ANKRD17: variants seen among roughly 807,000 people sequenced by gnomAD.
ANKRD17 encodes ankyrin repeat domain 17.
ANKRD17 carries 19 observed loss-of-function variants against 229.7 expected under a neutral mutation model. The ratio of observed to expected loss-of-function variants is 0.08; its 90% CI spans 0.06 to 0.12. The LOEUF is 0.12. Among genes scored for constraint, ANKRD17 ranks in the 10% least tolerant of loss-of-function variants. ANKRD17 has a pLI of 1.00. For synonymous variants in ANKRD17, 1,112 were observed against 1,146.1 expected (o/e 0.97, Z 0.60); for missense variants, 2,176 against 3,176.8 (o/e 0.68, Z 7.57).
chr4:73,086,915 AAAAAATATATATATATATATATAT>A (rs1722203802), intron 29 of ANKRD17, among the ~76,000 whole-genome samples: 4 of 22,932 alleles, frequency 1.7e-4, no homozygotes, highest in Admixed American at 4.5e-4. Flanking sequence ...AAAAAAAAAA[AAAAAATATATATATATATATATAT>A]ATATATATAT....
In ANKRD17 at chr4:73,157,930, AT is replaced by A. The variant is rs1233815374; in HGVS notation, c.705-1765del. ...CGGTGAAACCCTGTCTCTACTAAAAATACAAAAAAAAATTAGCCGGGCATGG... is the reference window on the plus strand; with the variant it reads ...CGGTGAAACCCTGTCTCTACTAAAAAACAAAAAAAAATTAGCCGGGCATGG... On this transcript the variant is annotated intron_variant, in intron 3 of 33. Coordinates refer to ENST00000358602, the MANE Select transcript of ANKRD17 (RefSeq NM_032217.5). Among the ~76,000 whole-genome samples the A allele has an allele frequency of 4.1e-3, 616 of 152,040 alleles. 4 individuals carry two copies. Among genetic ancestry groups the A allele is most frequent in the African/African-American group, 0.014 (594 of 41,394 alleles).
Position 73,121,528 on chromosome 4 carries a change from C to G in ANKRD17, c.3635+89G>C, listed in dbSNP as rs936438449. On this transcript the variant is annotated intron_variant, in intron 19 of 33. Transcript: ENST00000358602. ...GCCAAATTTGTAATAAAGGGATTTA[C>G]TAAATTTGGCACTAAAAAATAGGTG... The G allele has an allele frequency of 4.1e-6, 6 of 1,472,554 alleles. No homozygotes were observed. In the African/African-American group the frequency reaches 4.2e-5, roughly 10 times the overall value. The allele number at this position is 1,472,554 out of a possible 1,614,324, so 91.2% of individuals were successfully genotyped here. A position where few individuals can be genotyped will look rare whatever the true frequency, so the allele number is the denominator to read the frequency against.
intron 24 of ANKRD17, 117 bp from the exon 25 acceptor site, chr4:73,102,664 GTTCAA>G: frequency 6.0e-6 from 7 of 1,160,568 alleles, no homozygotes; most frequent in Non-Finnish European, 8.5e-6. Flanking sequence ...AAGTCATCTA[GTTCAA>G]TTCATTGTTT....
At chr4:73,146,938 T>C in intron 9 of ANKRD17, 65 bp from the exon 10 acceptor site, 2 of 1,322,700 alleles carry the variant, frequency 1.5e-6, no homozygotes, top group Non-Finnish European at 2.1e-6. Flanking sequence ...ATGACGAAAA[T>C]AAAAACTTCT....
chr4:73,222,760 A>ATATATCTACAAT (rs1319558085), intron 1 of ANKRD17, among the ~76,000 whole-genome samples: 4 of 152,212 alleles, frequency 2.6e-5, no homozygotes, highest in Admixed American at 6.5e-5. Flanking sequence ...TTTATGAAAC[A>ATATATCTACAAT]TGAAGTTTAA....
intron 2 of ANKRD17, among the ~76,000 whole-genome samples, chr4:73,166,964 A>G (rs780410225): frequency 2.0e-5 from 3 of 152,206 alleles, no homozygotes; most frequent in Non-Finnish European, 2.9e-5. Context: ...GATACTGGCA[A>G]TATTAAGGAA....
intron 1 of ANKRD17, among the ~76,000 whole-genome samples, chr4:73,204,813 C>T (rs1351940368): frequency 6.6e-6 from 1 of 151,956 alleles, no homozygotes; most frequent in Non-Finnish European, 1.5e-5. Flanking sequence ...CAATTATTAG[C>T]TAACACATAT....
chr4:73,180,843 T>C lies in ANKRD17; in HGVS notation c.394-3310A>G, dbSNP rs369127281. On this transcript the variant is annotated intron_variant, in intron 1 of 33. Coordinates refer to ENST00000358602, the MANE Select transcript of ANKRD17 (RefSeq NM_032217.5). ...ACCAAGTCTCTCTCTCAGCCATCTATAACTTTAGACCCCCAATTCTGCTTA... is the reference window on the plus strand; with the variant it reads ...ACCAAGTCTCTCTCTCAGCCATCTACAACTTTAGACCCCCAATTCTGCTTA... Among the ~76,000 whole-genome samples the C allele has an allele frequency of 3.0e-4, 46 of 152,350 alleles. 2 individuals are homozygous for C. The South Asian group carries it at 8.9e-3, about 29-fold the overall frequency.
chr4:73,107,458 G>T (rs772453358), intron 24 of ANKRD17, among the ~76,000 whole-genome samples: 5 of 152,146 alleles, frequency 3.3e-5, no homozygotes, highest in Non-Finnish European at 7.3e-5. Context: ...GGGGAGGGTG[G>T]ATACAGATAA....
intron 3 of ANKRD17, among the ~76,000 whole-genome samples, chr4:73,157,797 T>G (rs1334005171): frequency 5.3e-5 from 8 of 152,066 alleles, no homozygotes; most frequent in African/African-American, 1.7e-4. Flanking sequence ...AAAAGAAAAG[T>G]AGAACACGTC....
At chr4:73,081,663 T>C (rs541072269) in intron 30 of ANKRD17, among the ~76,000 whole-genome samples, 1 of 152,292 alleles carries the variant, frequency 6.6e-6, no homozygotes, top group East Asian at 1.9e-4. Flanking sequence ...TTACAAAATT[T>C]TGGGAACCTT....
intron 3 of ANKRD17, 51 bp from the exon 4 acceptor site, chr4:73,156,217 TGCACA>T: frequency 1.3e-6 from 2 of 1,530,854 alleles, no homozygotes; most frequent in Non-Finnish European, 1.7e-6. Context: ...ATTAAAAAAT[TGCACA>T]GCATAAATAT....
At position 73,192,510 on chromosome 4, in the gene ANKRD17, G is replaced by T. The variant is rs572583542; in HGVS notation, c.394-14977C>A. Among the ~76,000 whole-genome samples the T allele has an allele frequency of 5.4e-4, 82 of 151,840 alleles. 1 individual carries two copies. The South Asian group carries it at 0.016, about 29-fold the overall frequency. On this transcript the variant is annotated intron_variant, in intron 1 of 33. Transcript: ENST00000358602. The stretch of plus-strand genomic sequence containing the variant: ...TAATCAAAGAATGAAATCAAAGAGA[G>T]AATTGTACCTTTTTACTTACTCCAT...
chr4:73,131,842 G>C (rs1388693440), intron 16 of ANKRD17, among the ~76,000 whole-genome samples: 2 of 152,178 alleles, frequency 1.3e-5, no homozygotes, highest in African/African-American at 4.8e-5. Context: ...AAGCCTGTAT[G>C]TTAGGGTTTG....
At chr4:73,144,935 T>A in intron 10 of ANKRD17, 103 bp from the exon 11 acceptor site, 1 of 639,262 alleles carries the variant, frequency 1.6e-6, no homozygotes, top group Non-Finnish European at 2.5e-6. Flanking sequence ...TTTCTGAATC[T>A]AAATATTTAA....
chr4:73,077,031 G>T lies in ANKRD17; in HGVS notation c.7661C>A (p.Pro2554His), dbSNP rs530151722. Residue 2554 changes from proline (P) to histidine (H), a missense_variant, in exon 33 of 34, where the codon CCC becomes CAC. Transcript: ENST00000358602. The stretch of plus-strand genomic sequence containing the variant: ...TGCAGCATGAGGGCCATTAAATATG[G>T]GTCCTCCAGCACCATCAGGGATAGG... ...VAPIPDGAGG[P>H]IFNGPHAADP... 1 of 1,613,546 alleles carries T rather than the reference G, an allele frequency of 6.2e-7. No homozygotes were observed. Among genetic ancestry groups the T allele is most frequent in the African/African-American group, 1.3e-5 (1 of 75,000 alleles).
At position 73,146,777 on chromosome 4, in the gene ANKRD17, G is replaced by C; in HGVS notation, c.1856C>G (p.Ala619Gly). ...HTDVADVLLQ[A>G]GADLEHESEG... ...AACATAGCTTACCAGATCTGCGCCT[G>C]CCTGAAGTAAGACATCTGCTACATC... Residue 619 changes from alanine (A) to glycine (G), a missense_variant, in exon 10 of 34, where the codon GCA becomes GGA. This residue lies in a region of ANKRD17 where 275 missense variants were observed against 386.9 expected (regional missense o/e 0.71). Transcript: ENST00000358602. The C allele has an allele frequency of 6.2e-7, 1 of 1,607,234 alleles. No individual in the cohort carries two copies. The highest frequency in any genetic ancestry group is 8.5e-7 in the Non-Finnish European group (1 of 1,175,398).
chr4:73,106,890 A>G (rs1263705037), intron 24 of ANKRD17, among the ~76,000 whole-genome samples: 1 of 151,326 alleles, frequency 6.6e-6, no homozygotes, highest in East Asian at 1.9e-4. Context: ...AAAAAAAAAA[A>G]AAAAAAAAAA....
chr4:73,114,956 G>C (rs1329180528), intron 23 of ANKRD17, among the ~76,000 whole-genome samples: 2 of 152,096 alleles, frequency 1.3e-5, no homozygotes, highest in Non-Finnish European at 2.9e-5. Flanking sequence ...TCTCAATTAG[G>C]ATCTCTAATA....
Sources: allele counts gnomAD v4.1 joint callset (sites outside exome capture counted in the v4.1 genomes callset), GRCh38; gene constraint gnomAD v4.1.1; regional missense constraint gnomAD v4.1.1; transcripts MANE v1.5; gene names NCBI Gene and HGNC (gene_info 2026-07-23, HGNC 2026-07-21).